Variants in MYO10 observed in about 807,000 individuals in gnomAD.
MYO10 encodes myosin X, also known as unconventional myosin-X.
A neutral mutation model predicts 257.3 loss-of-function variants in MYO10; 133 were observed. That is an observed-to-expected ratio of 0.52 (90% confidence interval 0.45 to 0.60). The LOEUF (loss-of-function observed/expected upper bound fraction) is 0.60. Among genes scored for constraint, MYO10 ranks in the 20% least tolerant of loss-of-function variants. MYO10 has a pLI of 0.00. For synonymous variants in MYO10, 1,104 were observed against 1,028.6 expected (o/e 1.07, Z -1.40); for missense variants, 2,399 against 2,635.7 (o/e 0.91, Z 1.97).
intron 19 of MYO10, chr5:16,741,716 G>T: frequency 1.2e-6 from 1 of 858,658 alleles, no homozygotes; most frequent in Non-Finnish European, 1.4e-6. Context: ...TCTGTTCCCC[G>T]TGTATGATCT....
intron 1 of MYO10, among the ~76,000 whole-genome samples, chr5:16,918,496 TTTTC>T (rs1215496162): frequency 1.4e-3 from 96 of 69,686 alleles, no homozygotes; most frequent in African/African-American, 4.7e-3. Context: ...ACTATTTTTC[TTTTC>T]TTTTTTTTTT....
At chr5:16,749,743 G>C (rs1481753094) in intron 19 of MYO10, among the ~76,000 whole-genome samples, 1 of 152,232 alleles carries the variant, frequency 6.6e-6, no homozygotes, top group Non-Finnish European at 1.5e-5. Flanking sequence ...AGGAGAGCCA[G>C]CCAGACGTGT....
chr5:16,916,342 A>G (rs1470401255), intron 1 of MYO10: 2 of 288,062 alleles, frequency 6.9e-6, no homozygotes, highest in Non-Finnish European at 1.4e-5. Flanking sequence ...AAAAGCACAC[A>G]TGACACTAAA....
intron 34 of MYO10, 35 bp from the exon 35 acceptor site, chr5:16,675,185 AGGGG>A: frequency 6.2e-7 from 1 of 1,606,872 alleles, no homozygotes; most frequent in South Asian, 1.1e-5. Flanking sequence ...AACTCATCTG[AGGGG>A]TTCAGAATAG....
In MYO10 at chr5:16,766,192, C is replaced by A. The variant is rs1481182274; in HGVS notation, c.1067G>T (p.Gly356Val). The change falls in exon 11 of 41, where the codon GGC becomes GTC. Residue 356 changes from glycine to valine, a missense_variant. By Grantham distance (109) the Gly-to-Val change is moderately radical (BLOSUM62 -3). This residue lies in a region of MYO10 where 337 missense variants were observed against 446.8 expected (regional missense o/e 0.75). Transcript: ENST00000513610. ...CAGCCCAAGTAACTCCGCAGATCTG[C>A]CCAAAGCTGCAGAGAATAAGACAAA... is the stretch of plus-strand genomic sequence containing the variant. ...GAQVSFKTAL[G>V]RSAELLGLDP... is the part of the protein sequence containing the mutation. 6.2e-7 allele frequency: 1 copy of A among 1,611,874 alleles called. No homozygotes were observed.
intron 26 of MYO10, among the ~76,000 whole-genome samples, chr5:16,697,315 T>A (rs895588784): frequency 6.6e-6 from 1 of 151,188 alleles, no homozygotes; most frequent in South Asian, 2.1e-4. Context: ...AGAAAAAAAA[T>A]ATTGAAGATA....
intron 1 of MYO10, among the ~76,000 whole-genome samples, chr5:16,929,487 C>T (rs1561065669): frequency 2.0e-5 from 3 of 152,174 alleles, no homozygotes; most frequent in Non-Finnish European, 4.4e-5. Context: ...CTCTGTGGCT[C>T]TGGACACAGC....
chr5:16,865,743 G>A (rs1744225712), intron 2 of MYO10, among the ~76,000 whole-genome samples: 1 of 151,664 alleles, frequency 6.6e-6, no homozygotes, highest in Non-Finnish European at 1.5e-5. Context: ...CCCAGGAGGT[G>A]GAGGTTGCAG....
At chr5:16,861,475 G>A (rs113140446) in intron 2 of MYO10, among the ~76,000 whole-genome samples, 12,375 of 152,162 alleles carry the variant, frequency 0.081, 1,138 homozygotes, top group African/African-American at 0.22. Context: ...GGGAGGCTGA[G>A]GCAGGAGAAT....
Position 16,689,971 on chromosome 5 carries a change from T to C in MYO10, c.3801-52A>G, listed in dbSNP as rs368070799. 8.2e-4 allele frequency: 1,091 copies of C among 1,338,570 alleles called. 1 individual carries two copies. Among genetic ancestry groups the C allele is most frequent in the Non-Finnish European group, 1.0e-3 (940 of 930,588 alleles). The allele number at this position is 1,338,570 out of a possible 1,614,324, so 82.9% of individuals were successfully genotyped here. A position where few individuals can be genotyped will look rare whatever the true frequency, so the allele number is the denominator to read the frequency against. On this transcript the variant is annotated intron_variant, in intron 27 of 40. Coordinates refer to ENST00000513610, the MANE Select transcript of MYO10 (RefSeq NM_012334.3). The stretch of plus-strand genomic sequence containing the variant: ...CACATCAGGAACACCAAATTCTGAA[T>C]AACTGAGGAAAGCAACTAATGAAGC...
At chr5:16,804,720 G>T (rs1434237509) in intron 3 of MYO10, among the ~76,000 whole-genome samples, 1 of 152,108 alleles carries the variant, frequency 6.6e-6, no homozygotes, top group Non-Finnish European at 1.5e-5. Flanking sequence ...TTTGAGACCA[G>T]CCTGGGCAAT....
chr5:16,737,045 T>C (rs1277201401), intron 19 of MYO10, among the ~76,000 whole-genome samples: 1 of 152,196 alleles, frequency 6.6e-6, no homozygotes, highest in Non-Finnish European at 1.5e-5. Context: ...TTCAAACTTA[T>C]TATGCATACT....
chr5:16,861,876 A>G (rs1580085824), intron 2 of MYO10, among the ~76,000 whole-genome samples: 1 of 152,256 alleles, frequency 6.6e-6, no homozygotes, highest in East Asian at 1.9e-4. Context: ...TGGACGTGTT[A>G]TTACACCTAG....
At chr5:16,893,633 CAAAA>C (rs58021066) in intron 1 of MYO10, among the ~76,000 whole-genome samples, 1 of 57,250 alleles carries the variant, frequency 1.7e-5, no homozygotes, top group Non-Finnish European at 3.7e-5. Flanking sequence ...GACTCTGTCT[CAAAA>C]AAAAAAAAAA....
At chr5:16,829,478 T>C (rs956734451) in intron 2 of MYO10, among the ~76,000 whole-genome samples, 2 of 152,196 alleles carry the variant, frequency 1.3e-5, no homozygotes, top group African/African-American at 4.8e-5. Flanking sequence ...CAAACACTGC[T>C]GTTCCCAAAA....
intron 2 of MYO10, among the ~76,000 whole-genome samples, chr5:16,840,365 T>A (rs1467813019): frequency 6.6e-6 from 1 of 152,090 alleles, no homozygotes; most frequent in African/African-American, 2.4e-5. Context: ...TGAGCCAAGA[T>A]TGTGCCACTG....
chr5:16,829,333 G>A (rs253324), intron 2 of MYO10, among the ~76,000 whole-genome samples: 102,173 of 152,108 alleles, frequency 0.67, 34,596 homozygotes, highest in East Asian at 0.78. Flanking sequence ...ATCATCATGG[G>A]CAACACTAAC....
chr5:16,801,575 A>C (rs889395067), intron 3 of MYO10, among the ~76,000 whole-genome samples: 1 of 152,160 alleles, frequency 6.6e-6, no homozygotes, highest in Non-Finnish European at 1.5e-5. Context: ...TGTAGGTGCT[A>C]CTGCTGTGGT....
intron 1 of MYO10, among the ~76,000 whole-genome samples, chr5:16,902,979 C>T (rs112669696): frequency 0.012 from 1,768 of 152,372 alleles, 10 homozygotes; most frequent in Middle Eastern, 0.034. Flanking sequence ...AGACCAGGCT[C>T]TGATCTCCCA....
Sources: gnomAD v4.1 joint callset for allele counts (sites outside exome capture counted in the v4.1 genomes callset) on GRCh38, gnomAD v4.1.1 for gene constraint, gnomAD v4.1.1 regional missense constraint, MANE v1.5 for transcripts, NCBI Gene and HGNC (gene_info 2026-07-23, HGNC 2026-07-21) for gene names.